The following REEP2 variants were observed in gnomAD, a reference collection of about 807,000 sequenced individuals.
REEP2 encodes receptor expression-enhancing protein 2.
Under a neutral mutation model 32.1 loss-of-function variants are expected in REEP2, and 9 were observed. The ratio of observed to expected loss-of-function variants is 0.28; its 90% CI spans 0.17 to 0.49. The LOEUF is 0.49. REEP2 is among the 20% of genes least tolerant of loss of function. The pLI, the probability that REEP2 is intolerant of heterozygous loss-of-function variation, is 0.99. For synonymous variants in REEP2, 128 were observed against 139.1 expected, an observed-to-expected ratio of 0.92 and a Z score of 0.56; for missense variants, 236 against 338.0, an observed-to-expected ratio of 0.70 and a Z score of 2.37.
chr5:138,440,434 C>T (rs921106989), intron 1 of REEP2, among the ~76,000 whole-genome samples: 2 of 152,206 alleles, frequency 1.3e-5, no homozygotes, highest in African/African-American at 4.8e-5. Flanking sequence ...GGATCACCAG[C>T]GGGGCCCTCC....
rs1430151253 is a variant in REEP2, at chr5:138,441,527, C to A, written c.182+66C>A. On this transcript the variant is annotated intron_variant, in intron 3 of 7. Transcript: ENST00000378339. This position sits in a 1 kb window ranked among gnomAD's most constrained non-coding sequence, Gnocchi z 4.4. Reference sequence around the variant, plus strand: ...CCTCTGCCTTTCTCTACCCAGCCAGCCAAACAAAAGACTGGGCCTGGGGGT... The same window carrying A: ...CCTCTGCCTTTCTCTACCCAGCCAGACAAACAAAAGACTGGGCCTGGGGGT... The A allele has an allele frequency of 9.1e-6, 13 of 1,424,410 alleles. No homozygotes were observed. In the East Asian group the frequency reaches 1.6e-4, roughly 17 times the overall value. The allele number at this position is 1,424,410 out of a possible 1,614,324, so 88.2% of individuals were successfully genotyped here.
intron 3 of REEP2, among the ~76,000 whole-genome samples, chr5:138,444,097 G>A (rs1763877855): frequency 6.6e-6 from 1 of 152,020 alleles, no homozygotes; most frequent in Non-Finnish European, 1.5e-5. Flanking sequence ...AGTTTCCCTT[G>A]GTGTTGACCC....
chr5:138,441,590 T>C lies in REEP2; in HGVS notation c.182+129T>C, dbSNP rs1763828124. On this transcript the variant is annotated intron_variant, in intron 3 of 7. Coordinates refer to ENST00000378339, the MANE Select transcript of REEP2 (RefSeq NM_001271803.2). This position sits in a 1 kb window ranked among gnomAD's most constrained non-coding sequence, Gnocchi z 4.4. ...ATTCCTGACAATTTCATGGGGTCCT[T>C]GATATCTCCCCTCTCATGCCTAACT... is the stretch of plus-strand genomic sequence containing the variant. The C allele has an allele frequency of 4.0e-6, 3 of 752,580 alleles. No homozygotes were observed. Among genetic ancestry groups the C allele is most frequent in the Non-Finnish European group, 6.9e-6 (3 of 434,410 alleles). The allele number at this position is 752,580 out of a possible 1,614,324, so 46.6% of individuals were successfully genotyped here.
intron 3 of REEP2, among the ~76,000 whole-genome samples, chr5:138,443,229 G>A (rs900585478): frequency 1.3e-5 from 2 of 151,972 alleles, no homozygotes; most frequent in Non-Finnish European, 2.9e-5. Flanking sequence ...GGAGGCCAAG[G>A]GGGGGCAGAT....
chr5:138,439,111 A>ACTGCGGCTC lies in REEP2; in HGVS notation c.-93_-85dup, dbSNP rs1763771912. The stretch of plus-strand genomic sequence containing the variant: ...GGCTGCTGCAGCGGCTGCTGCTGCT[A>ACTGCGGCTC]CTGCGGCTCCTGCTGCCGCCGCCGC... On this transcript the variant is annotated 5_prime_UTR_variant, in exon 1 of 8. Coordinates refer to ENST00000378339, the MANE Select transcript of REEP2 (RefSeq NM_001271803.2). 6.6e-6 allele frequency: 4 copies of ACTGCGGCTC among 602,878 alleles called. No individual in the cohort carries two copies. The highest frequency in any genetic ancestry group is 9.0e-6 in the Non-Finnish European group (4 of 442,256). 37.3% of individuals were successfully genotyped at this position (602,878 alleles called of 1,614,324 possible). A position where few individuals can be genotyped will look rare whatever the true frequency, so the allele number is the denominator to read the frequency against.
chr5:138,442,581 C>A (rs1014014364), intron 3 of REEP2, among the ~76,000 whole-genome samples: 1 of 151,562 alleles, frequency 6.6e-6, no homozygotes, highest in African/African-American at 2.4e-5. Flanking sequence ...CATGGCAGGG[C>A]GCAGTGGCTC....
intron 3 of REEP2, among the ~76,000 whole-genome samples, chr5:138,444,025 C>T (rs372369907): frequency 1.3e-5 from 2 of 151,594 alleles, no homozygotes; most frequent in East Asian, 3.9e-4. Context: ...CCAGGCCTCT[C>T]GATGATAGGG....
chr5:138,443,386 G>C (rs1473604827), intron 3 of REEP2, among the ~76,000 whole-genome samples: 2 of 151,066 alleles, frequency 1.3e-5, no homozygotes. Flanking sequence ...CTTGAACCCA[G>C]GAGGCAGAGG....
rs1763946973 is a variant in REEP2 at position 138,446,949 on chromosome 5, C to CAA, written c.*1200_*1201dup. On this transcript the variant is annotated 3_prime_UTR_variant, in exon 8 of 8. Coordinates refer to ENST00000378339, the MANE Select transcript of REEP2 (RefSeq NM_001271803.2). ...TTTGGCACTGGATGAGCCAATAAAC[C>CAA]AAACTCTGGCACCTCATTTATTTTG... is the stretch of plus-strand genomic sequence containing the variant. 6.6e-6 allele frequency: 1 copy of CAA among 152,210 alleles called. No homozygotes were observed. The highest frequency in any genetic ancestry group is 1.5e-5 in the Non-Finnish European group (1 of 68,060). The allele number at this position is 152,210 out of a possible 1,614,324, so 9.4% of individuals were successfully genotyped here.
At position 138,445,476 on chromosome 5, in the gene REEP2, C is replaced by G. The variant is rs574350911; in HGVS notation, c.574C>G (p.Pro192Ala). 17 of 1,614,142 alleles carry G rather than the reference C, an allele frequency of 1.1e-5. No homozygotes were observed. Among genetic ancestry groups the G allele is most frequent in the Non-Finnish European group, 1.4e-5 (17 of 1,180,012 alleles). The stretch of plus-strand genomic sequence containing the variant: ...TTTCTCCCTGCACCCAGGAGATGAC[C>G]CTGCCCTGAGTCTAAGGTCCAGCAC... Reference protein sequence around the residue: ...LDTIEDLGDDPALSLRSSTNP... With the variant: ...LDTIEDLGDDAALSLRSSTNP... The change falls in exon 7 of 8, where the codon CCT (proline) becomes GCT (alanine). Residue 192 changes from proline (P) to alanine (A), a missense_variant. Physicochemically the swap from Pro to Ala is conservative, Grantham distance 27. Transcript: ENST00000378339.
rs772887552 is a variant in REEP2 at position 138,439,179 on chromosome 5, T to TCCCCG, written c.-23_-19dup. 6 of 1,348,872 alleles carry TCCCCG rather than the reference T, an allele frequency of 4.4e-6. No individual in the cohort carries two copies. The highest frequency in any genetic ancestry group is 5.7e-6 in the Non-Finnish European group (6 of 1,053,164). The allele number at this position is 1,348,872 out of a possible 1,614,324, so 83.6% of individuals were successfully genotyped here. ...CAGCTGCATCCTCGGCCGGGCCGGG[T>TCCCCG]CCCCGCCCCGCGCCGCGCCCGGCCC... On this transcript the variant is annotated 5_prime_UTR_variant, in exon 1 of 8. Coordinates refer to ENST00000378339, the MANE Select transcript of REEP2 (RefSeq NM_001271803.2).
In REEP2 at chr5:138,441,006, G is replaced by A. The variant is rs370528887; in HGVS notation, c.33-10G>A. 1.4e-4 allele frequency: 226 copies of A among 1,611,946 alleles called. No individual in the cohort carries two copies. In the African/African-American group the frequency reaches 2.5e-3, roughly 18 times the overall value. Reference sequence around the variant, plus strand: ...GCTGAGAGGCCCAGTAACCATGCCTGCCTCCCTAGGCTCATCTTTGGCACC... The same window carrying A: ...GCTGAGAGGCCCAGTAACCATGCCTACCTCCCTAGGCTCATCTTTGGCACC... On this transcript the variant is annotated splice_polypyrimidine_tract_variant and intron_variant, in intron 1 of 7. Transcript: ENST00000378339. The surrounding 1 kb of genome is among the most constrained non-coding windows in gnomAD (Gnocchi z 4.4).
Position 138,441,875 on chromosome 5 carries a change from C to T in REEP2, c.182+414C>T, listed in dbSNP as rs1405625945. Among the ~76,000 whole-genome samples, 1 of 152,050 alleles carries T rather than the reference C, an allele frequency of 6.6e-6. No individual in the cohort carries two copies. The highest frequency in any genetic ancestry group is 1.5e-5 in the Non-Finnish European group (1 of 67,974). ...CCAGGAGGTAGAGGTTGCAGTGAGCCGAGATCGCGCCATTGCACTCCAGCC... is the reference window on the plus strand; with the variant it reads ...CCAGGAGGTAGAGGTTGCAGTGAGCTGAGATCGCGCCATTGCACTCCAGCC... On this transcript the variant is annotated intron_variant, in intron 3 of 7. Transcript: ENST00000378339. The surrounding 1 kb of genome is among the most constrained non-coding windows in gnomAD (Gnocchi z 4.4).
At chr5:138,442,475 G>T (rs1251959199) in intron 3 of REEP2, among the ~76,000 whole-genome samples, 1 of 152,080 alleles carries the variant, frequency 6.6e-6, no homozygotes, top group Non-Finnish European at 1.5e-5. Context: ...CACTTTGGGA[G>T]GCCAAGGCAG....
In REEP2 at chr5:138,445,709, C is replaced by T; in HGVS notation, c.723C>T (p.Thr241=). ...CACTGGCTTCCAAGACACTGAAGAC[C>T]CGGCCCAAGAAGAAGACCTCTGGCG... ...AEPLASKTLK[T]RPKKKTSGGG... The change falls in exon 8 of 8, where the codon ACC becomes ACT. Residue 241 remains threonine (T), a synonymous_variant. Transcript: ENST00000378339. The T allele has an allele frequency of 6.2e-7, 1 of 1,614,150 alleles. No individual in the cohort carries two copies. The highest frequency in any genetic ancestry group is 8.5e-7 in the Non-Finnish European group (1 of 1,180,022).
chr5:138,444,647 T>A (rs4835794), intron 4 of REEP2, 107 bp from the exon 5 acceptor site: 1 of 1,565,060 alleles, frequency 6.4e-7, no homozygotes, highest in Non-Finnish European at 8.7e-7. Context: ...CCAAAGTGAC[T>A]TGGCAGGGCT....
chr5:138,441,132 A>T lies in REEP2; in HGVS notation c.105+44A>T. ...ACCCCCTACCCAACCCACATGGCAC[A>T]GAGAGGGGAGGGCACTGGGTCCTAT... is the stretch of plus-strand genomic sequence containing the variant. On this transcript the variant is annotated intron_variant, in intron 2 of 7. Transcript: ENST00000378339. This position sits in a 1 kb window ranked among gnomAD's most constrained non-coding sequence, Gnocchi z 4.4. 1 of 1,611,514 alleles carries T rather than the reference A, an allele frequency of 6.2e-7. No homozygotes were observed. Among genetic ancestry groups the T allele is most frequent in the Non-Finnish European group, 8.5e-7 (1 of 1,178,834 alleles).
At chr5:138,440,272 CCTT>C (rs1023595442) in intron 1 of REEP2, among the ~76,000 whole-genome samples, 1 of 152,234 alleles carries the variant, frequency 6.6e-6, no homozygotes, top group East Asian at 1.9e-4. Flanking sequence ...ACTCTAGACT[CCTT>C]CTCTTCCCCC....
At chr5:138,444,054 G>C (rs1048462921) in intron 3 of REEP2, among the ~76,000 whole-genome samples, 2 of 152,090 alleles carry the variant, frequency 1.3e-5, no homozygotes, top group African/African-American at 4.8e-5. Context: ...AAGGGAAGGA[G>C]TGAAGACCCA....
Sources: gnomAD v4.1 joint callset for allele counts (sites outside exome capture counted in the v4.1 genomes callset) on GRCh38, gnomAD v4.1.1 for gene constraint, Gnocchi (gnomAD v3.1) non-coding constraint, MANE v1.5 for transcripts, NCBI Gene and HGNC (gene_info 2026-07-23, HGNC 2026-07-21) for gene names.